Variants in MRPS17 observed in about 807,000 individuals in gnomAD.
MRPS17 encodes the protein small ribosomal subunit protein uS17m.
In MRPS17, 6 loss-of-function variants were observed where a neutral mutation model predicts 11.3. That is an observed-to-expected ratio of 0.53 (90% CI 0.29 to 1.05). The LOEUF (loss-of-function observed/expected upper bound fraction) is 1.05, where lower values mean the gene tolerates loss of function less well. Among genes scored for constraint, MRPS17 ranks in the 50% least tolerant of loss-of-function variants. The pLI is 0.08. For missense variants in MRPS17, 139 were observed against 153.6 expected, an observed-to-expected ratio of 0.90 and a Z score of 0.50; for synonymous variants, 56 against 60.4, an observed-to-expected ratio of 0.93 and a Z score of 0.34.
In MRPS17 at chr7:55,951,886, C is replaced by G. The variant is rs1786639410; in HGVS notation, c.-62C>G. The stretch of plus-strand genomic sequence containing the variant: ...CGTACGGCGTGACGCCATCCCGCTG[C>G]GACCGGCGCTCCCCGGGGCAGGTGG... On this transcript the variant is annotated 5_prime_UTR_variant, in exon 1 of 3. Coordinates refer to ENST00000285298, the MANE Select transcript of MRPS17 (RefSeq NM_015969.3). 1 of 152,616 alleles carries G rather than the reference C, an allele frequency of 6.6e-6. No homozygotes were observed. The highest frequency in any genetic ancestry group is 2.1e-4 in the South Asian group (1 of 4,848). 9.5% of individuals were successfully genotyped at this position (152,616 alleles called of 1,614,324 possible).
At chr7:55,953,781 C>G (rs1397634945) in intron 2 of MRPS17, among the ~76,000 whole-genome samples, 1 of 151,088 alleles carries the variant, frequency 6.6e-6, no homozygotes, top group East Asian at 2.0e-4. Flanking sequence ...ACAATTGTAC[C>G]ATTGCACTCC....
At position 55,955,313 on chromosome 7, in the gene MRPS17, G is replaced by T. The variant is rs1442935622; in HGVS notation, c.*135G>T. 17 of 1,080,532 alleles carry T rather than the reference G, an allele frequency of 1.6e-5. No individual in the cohort carries two copies. Among genetic ancestry groups the T allele is most frequent in the Non-Finnish European group, 2.1e-5 (16 of 757,992 alleles). 66.9% of individuals were successfully genotyped at this position (1,080,532 alleles called of 1,614,324 possible). A position where few individuals can be genotyped will look rare whatever the true frequency, so the allele number is the denominator to read the frequency against. On this transcript the variant is annotated 3_prime_UTR_variant, in exon 3 of 3. Coordinates refer to ENST00000285298, the MANE Select transcript of MRPS17 (RefSeq NM_015969.3). ...TATGAAATAGCTAAAAGCAAATGAA[G>T]TAAAGGGCATACTATGGTTTTTCAC...
intron 2 of MRPS17, 103 bp from the exon 3 acceptor site, chr7:55,954,806 T>C: frequency 7.2e-7 from 1 of 1,393,948 alleles, no homozygotes; most frequent in South Asian, 1.4e-5. Flanking sequence ...TATCTTTTCC[T>C]AAGTCCTGGC....
chr7:55,954,829 C>T lies in MRPS17; in HGVS notation c.124-80C>T, dbSNP rs998978622. 40 of 1,506,970 alleles carry T rather than the reference C, an allele frequency of 2.7e-5. No homozygotes were observed. The East Asian group carries it at 4.1e-4, about 15-fold the overall frequency. 93.3% of individuals were successfully genotyped at this position (1,506,970 alleles called of 1,614,324 possible). ...CCTAAGTCCTGGCTTGTTTTCCATA[C>T]GTTACTTTTTCATATTACATATTAC... On this transcript the variant is annotated intron_variant, in intron 2 of 2. Coordinates refer to ENST00000285298, the MANE Select transcript of MRPS17 (RefSeq NM_015969.3).
chr7:55,952,073 C>G (rs1234647098), intron 1 of MRPS17, 143 bp downstream of exon 1: 1 of 151,586 alleles, frequency 6.6e-6, no homozygotes, highest in African/African-American at 2.4e-5. Context: ...GGCGAGGGCA[C>G]GAATCACCCC....
intron 2 of MRPS17, among the ~76,000 whole-genome samples, chr7:55,953,795 C>T (rs1367299740): frequency 1.4e-5 from 2 of 141,764 alleles, no homozygotes; most frequent in African/African-American, 5.5e-5. Flanking sequence ...GCACTCCATC[C>T]TGGACAAGAG....
intron 2 of MRPS17, among the ~76,000 whole-genome samples, chr7:55,954,145 G>A (rs542197674): frequency 1.3e-5 from 2 of 152,130 alleles, no homozygotes; most frequent in East Asian, 1.9e-4. Context: ...GGATGGAGTG[G>A]AAAAAATATT....
rs1030571129 is a variant in MRPS17, at chr7:55,951,904, G to T, written c.-44G>T. ...CCCGCTGCGACCGGCGCTCCCCGGG[G>T]CAGGTGGCTGCATAGTCTTGGCGGA... On this transcript the variant is annotated 5_prime_UTR_variant, in exon 1 of 3. Transcript: ENST00000285298. The T allele has an allele frequency of 1.3e-5, 2 of 152,650 alleles. No homozygotes were observed. Among genetic ancestry groups the T allele is most frequent in the African/African-American group, 2.4e-5 (1 of 41,484 alleles). The allele number at this position is 152,650 out of a possible 1,614,324, so 9.5% of individuals were successfully genotyped here.
chr7:55,954,088 A>G (rs1015937823), intron 2 of MRPS17, among the ~76,000 whole-genome samples: 1 of 152,186 alleles, frequency 6.6e-6, no homozygotes, highest in Non-Finnish European at 1.5e-5. Context: ...GGCTGCTGCA[A>G]AAGTCTAGGA....
chr7:55,953,080 GA>G, intron 1 of MRPS17, 98 bp from the exon 2 acceptor site: 2 of 1,381,154 alleles, frequency 1.4e-6, no homozygotes, highest in Admixed American at 4.6e-5. Context: ...GAACGAAAAA[GA>G]AAAAAACTGT....
intron 2 of MRPS17, 83 bp downstream of exon 2, chr7:55,953,401 A>G: frequency 6.4e-7 from 1 of 1,557,464 alleles, no homozygotes. Flanking sequence ...TTTATCTCTC[A>G]GTAAAGATGT....
rs1047693 is a variant in MRPS17, at chr7:55,955,246, C to G, written c.*68C>G. ...TTATGTTATGGAAAAAGAAATTTTT[C>G]TAAGTTTCATCACAAACTGTGTCCA... is the stretch of plus-strand genomic sequence containing the variant. On this transcript the variant is annotated 3_prime_UTR_variant, in exon 3 of 3. Coordinates refer to ENST00000285298, the MANE Select transcript of MRPS17 (RefSeq NM_015969.3). The G allele has an allele frequency of 6.5e-7, 1 of 1,533,344 alleles. No homozygotes were observed. Among genetic ancestry groups the G allele is most frequent in the Non-Finnish European group, 8.8e-7 (1 of 1,138,826 alleles). 95.0% of individuals were successfully genotyped at this position (1,533,344 alleles called of 1,614,324 possible).
intron 2 of MRPS17, 146 bp downstream of exon 2, chr7:55,953,464 A>G: frequency 1.0e-5 from 11 of 1,097,682 alleles, no homozygotes; most frequent in Non-Finnish European, 1.4e-5. Context: ...TAGGTATAAC[A>G]CGGTTTACAC....
intron 2 of MRPS17, 149 bp from the exon 3 acceptor site, chr7:55,954,760 G>T: frequency 1.1e-6 from 1 of 928,466 alleles, no homozygotes; most frequent in South Asian, 1.6e-5. Context: ...TATCACTCAG[G>T]CTCTAATTTT....
In MRPS17 at chr7:55,955,946, G is replaced by A. The variant is rs989087977; in HGVS notation, c.*768G>A. 6.6e-6 allele frequency: 1 copy of A among 151,582 alleles called. No individual in the cohort carries two copies. Among genetic ancestry groups the A allele is most frequent in the African/African-American group, 2.4e-5 (1 of 41,198 alleles). 9.4% of individuals were successfully genotyped at this position (151,582 alleles called of 1,614,324 possible). ...ACTTGGCTGATTTTTTGTAAATTTTGTAGAGACAGGGTCTCCCTGTGTTGC... is the reference window on the plus strand; with the variant it reads ...ACTTGGCTGATTTTTTGTAAATTTTATAGAGACAGGGTCTCCCTGTGTTGC... On this transcript the variant is annotated 3_prime_UTR_variant, in exon 3 of 3. Transcript: ENST00000285298.
intron 2 of MRPS17, among the ~76,000 whole-genome samples, chr7:55,954,516 T>G (rs1019747461): frequency 6.6e-6 from 1 of 152,166 alleles, no homozygotes; most frequent in Non-Finnish European, 1.5e-5. Flanking sequence ...TCACCTGACG[T>G]CAGGAGTTCA....
In MRPS17 at chr7:55,953,192, C is replaced by T. The variant is rs757701198; in HGVS notation, c.-4C>T. The T allele has an allele frequency of 1.5e-5, 24 of 1,613,634 alleles. No homozygotes were observed. Among genetic ancestry groups the T allele is most frequent in the Non-Finnish European group, 1.8e-5 (21 of 1,179,964 alleles). ...TTTGCTTTTCAGGTGACCAAAGCCACGTAATGTCCGTAGTTCGCTCATCCG... is the reference window on the plus strand; with the variant it reads ...TTTGCTTTTCAGGTGACCAAAGCCATGTAATGTCCGTAGTTCGCTCATCCG... On this transcript the variant is annotated 5_prime_UTR_variant, in exon 2 of 3. In the 5' UTR this introduces an upstream ATG that the reference lacks. Coordinates refer to ENST00000285298, the MANE Select transcript of MRPS17 (RefSeq NM_015969.3).
chr7:55,955,318 G>C lies in MRPS17; in HGVS notation c.*140G>C. The C allele has an allele frequency of 9.6e-7, 1 of 1,041,926 alleles. No individual in the cohort carries two copies. Among genetic ancestry groups the C allele is most frequent in the Non-Finnish European group, 1.4e-6 (1 of 724,530 alleles). The allele number at this position is 1,041,926 out of a possible 1,614,324, so 64.5% of individuals were successfully genotyped here. A position where few individuals can be genotyped will look rare whatever the true frequency, so the allele number is the denominator to read the frequency against. ...AATAGCTAAAAGCAAATGAAGTAAA[G>C]GGCATACTATGGTTTTTCACAAAGG... On this transcript the variant is annotated 3_prime_UTR_variant, in exon 3 of 3. Coordinates refer to ENST00000285298, the MANE Select transcript of MRPS17 (RefSeq NM_015969.3).
chr7:55,952,447 T>C (rs187769380), intron 1 of MRPS17, among the ~76,000 whole-genome samples: 2 of 152,294 alleles, frequency 1.3e-5, no homozygotes, highest in Non-Finnish European at 2.9e-5. Context: ...GAAATGGTGA[T>C]TCAAGCCGGG....
Sources: allele counts gnomAD v4.1 joint callset (sites outside exome capture counted in the v4.1 genomes callset), GRCh38; gene constraint gnomAD v4.1.1; transcripts MANE v1.5; gene names NCBI Gene and HGNC (gene_info 2026-07-23, HGNC 2026-07-21).